The following GPAT4 variants were observed in gnomAD, a reference collection of about 807,000 sequenced individuals.
GPAT4 encodes glycerol-3-phosphate acyltransferase 4, also known as 1-AGP acyltransferase 6.
Under a neutral mutation model 58.0 loss-of-function variants are expected in GPAT4, and 17 were observed. The ratio of observed to expected loss-of-function variants is 0.29; its 90% confidence interval spans 0.20 to 0.44. GPAT4 has a LOEUF of 0.44. Ranked by LOEUF, GPAT4 falls within the 20% of genes least tolerant of loss-of-function variation. The pLI is 1.00. For synonymous variants in GPAT4, 204 were observed against 210.1 expected (o/e 0.97, Z 0.25); for missense variants, 377 against 574.5 (o/e 0.66, Z 3.51).
At chr8:41,603,112 CA>C (rs915202097) in intron 2 of GPAT4, among the ~76,000 whole-genome samples, 1 of 152,174 alleles carries the variant, frequency 6.6e-6, no homozygotes, top group Non-Finnish European at 1.5e-5. Flanking sequence ...GCCTCTTCAC[CA>C]CTTCCTAAAT....
chr8:41,603,520 C>T (rs1410702032), intron 2 of GPAT4, among the ~76,000 whole-genome samples: 1 of 130,978 alleles, frequency 7.6e-6, no homozygotes, highest in African/African-American at 3.1e-5. Context: ...AGCAAGACTC[C>T]GTCTCAAAAA....
chr8:41,597,995 A>AC (rs1802977240), intron 1 of GPAT4, among the ~76,000 whole-genome samples: 1 of 152,204 alleles, frequency 6.6e-6, no homozygotes, highest in Non-Finnish European at 1.5e-5. Flanking sequence ...TTTCCATAGC[A>AC]CACGCTTTTT....
intron 10 of GPAT4, among the ~76,000 whole-genome samples, chr8:41,618,013 C>G (rs774020449): frequency 5.3e-5 from 8 of 152,136 alleles, no homozygotes; most frequent in African/African-American, 9.7e-5. Context: ...CTGCAAAATG[C>G]CAATGAAATA....
At chr8:41,591,392 C>A (rs1802785793) in intron 1 of GPAT4, among the ~76,000 whole-genome samples, 1 of 152,154 alleles carries the variant, frequency 6.6e-6, no homozygotes, top group Admixed American at 6.5e-5. Context: ...GTGGTCTCCT[C>A]CCTTAAAACA....
chr8:41,621,018 C>T lies in GPAT4; in HGVS notation c.*17C>T, dbSNP rs754014284. 5.8e-6 allele frequency: 9 copies of T among 1,550,544 alleles called. No homozygotes were observed. The highest frequency in any genetic ancestry group is 7.8e-6 in the Non-Finnish European group (9 of 1,146,956). On this transcript the variant is annotated 3_prime_UTR_variant, in exon 13 of 13. Coordinates refer to ENST00000396987, the MANE Select transcript of GPAT4 (RefSeq NM_178819.4). ...CGCTCCTGAGCCTGCCTCCAGCTGG[C>T]TGGGGCCACCGTGCGGGGTGCCAAC...
At chr8:41,582,149 A>G (rs1169438016) in intron 1 of GPAT4, among the ~76,000 whole-genome samples, 2 of 150,618 alleles carry the variant, frequency 1.3e-5, no homozygotes, top group Non-Finnish European at 3.0e-5. Flanking sequence ...GATTACAGGC[A>G]TGCGCCACCA....
chr8:41,611,757 C>T (rs570028644), intron 5 of GPAT4, 146 bp from the exon 6 acceptor site: 2 of 643,822 alleles, frequency 3.1e-6, no homozygotes, highest in African/African-American at 1.8e-5. Context: ...TAAAGGTGCT[C>T]ATGCATCACA....
chr8:41,618,559 C>T, intron 10 of GPAT4, 125 bp from the exon 11 acceptor site: 1 of 1,237,494 alleles, frequency 8.1e-7, no homozygotes, highest in Non-Finnish European at 1.2e-6. Flanking sequence ...AGTACTCATG[C>T]AAGGTCAGGG....
At chr8:41,597,589 C>G (rs1802967162) in intron 1 of GPAT4, among the ~76,000 whole-genome samples, 1 of 152,066 alleles carries the variant, frequency 6.6e-6, no homozygotes, top group South Asian at 2.1e-4. Flanking sequence ...TTGCTAAGCA[C>G]ATTTTGTGTA....
At chr8:41,581,881 C>G (rs574264515) in intron 1 of GPAT4, among the ~76,000 whole-genome samples, 1 of 150,888 alleles carries the variant, frequency 6.6e-6, no homozygotes, top group South Asian at 2.1e-4. Flanking sequence ...GATCCCCCCG[C>G]CTCGGCCTCC....
intron 1 of GPAT4, among the ~76,000 whole-genome samples, chr8:41,585,071 A>G (rs1802615783): frequency 2.0e-5 from 3 of 152,206 alleles, no homozygotes; most frequent in Admixed American, 2.0e-4. Flanking sequence ...GTTTGGAAAC[A>G]TGCAGTTTCC....
intron 10 of GPAT4, among the ~76,000 whole-genome samples, chr8:41,617,398 A>T (rs961170085): frequency 1.3e-5 from 2 of 152,060 alleles, no homozygotes; most frequent in Non-Finnish European, 2.9e-5. Context: ...AATTAAAATT[A>T]AAAAAATACT....
At chr8:41,618,395 A>T in intron 10 of GPAT4, 1 of 449,298 alleles carries the variant, frequency 2.2e-6, no homozygotes. Flanking sequence ...TATACCTATG[A>T]GTAAGACCTG....
chr8:41,605,649 A>G (rs1803241783), intron 2 of GPAT4, among the ~76,000 whole-genome samples: 1 of 152,154 alleles, frequency 6.6e-6, no homozygotes, highest in Non-Finnish European at 1.5e-5. Context: ...ATCTTGGCTC[A>G]CTGCAACCTT....
chr8:41,581,368 A>T (rs1802503347), intron 1 of GPAT4, among the ~76,000 whole-genome samples: 2 of 152,084 alleles, frequency 1.3e-5, no homozygotes. Flanking sequence ...TTTGGATCCC[A>T]CCTCCAGTTA....
chr8:41,613,742 C>T (rs563101795), intron 8 of GPAT4, among the ~76,000 whole-genome samples: 1 of 152,084 alleles, frequency 6.6e-6, no homozygotes, highest in African/African-American at 2.4e-5. Context: ...TAGGAAGACC[C>T]CCATCTCTAC....
chr8:41,610,064 A>G, intron 4 of GPAT4, 109 bp downstream of exon 4: 2 of 1,505,984 alleles, frequency 1.3e-6, no homozygotes, highest in South Asian at 1.4e-5. Flanking sequence ...GGAGGGAATG[A>G]CTGTCGTTAG....
chr8:41,579,446 T>C (rs1237189484), intron 1 of GPAT4, among the ~76,000 whole-genome samples: 6 of 152,230 alleles, frequency 3.9e-5, no homozygotes, highest in Non-Finnish European at 7.3e-5. Flanking sequence ...CTTTTTGTTT[T>C]GGAACACAGC....
chr8:41,604,011 G>A (rs1172124010), intron 2 of GPAT4, among the ~76,000 whole-genome samples: 1 of 151,086 alleles, frequency 6.6e-6, no homozygotes, highest in Non-Finnish European at 1.5e-5. Context: ...ATTCATTCAT[G>A]GCCCACAACT....
Sources: allele counts gnomAD v4.1 joint callset (sites outside exome capture counted in the v4.1 genomes callset), GRCh38; gene constraint gnomAD v4.1.1; transcripts MANE v1.5; gene names NCBI Gene and HGNC (gene_info 2026-07-23, HGNC 2026-07-21).